Variants in AUTS2 observed in about 807,000 individuals in gnomAD.
AUTS2 encodes the protein autism susceptibility gene 2 protein.
AUTS2 carries 17 observed loss-of-function variants against 112.4 expected under a neutral mutation model. The ratio of observed to expected loss-of-function variants is 0.15; its 90% confidence interval spans 0.10 to 0.23. AUTS2 has a LOEUF of 0.23. Among genes scored for constraint, AUTS2 ranks in the 10% least tolerant of loss-of-function variants. The pLI is 1.00. For synonymous variants in AUTS2, 751 were observed against 702.7 expected (o/e 1.07, Z -1.09); for missense variants, 1,510 against 1,701.6 (o/e 0.89, Z 1.98).
At chr7:70,634,990 A>C (rs905934600) in intron 5 of AUTS2, among the ~76,000 whole-genome samples, 5 of 152,138 alleles carry the variant, frequency 3.3e-5, no homozygotes, top group Admixed American at 2.6e-4. Flanking sequence ...ACAGAGCCTT[A>C]TACCCCTTCA....
At chr7:69,660,803 C>T (rs539693830) in intron 1 of AUTS2, among the ~76,000 whole-genome samples, 5 of 152,182 alleles carry the variant, frequency 3.3e-5, no homozygotes, top group East Asian at 3.9e-4. Context: ...GGTGTGGTGG[C>T]GGGCACCTAT....
At chr7:70,720,202 AT>A (rs59046864) in intron 6 of AUTS2, among the ~76,000 whole-genome samples, 66,804 of 148,512 alleles carry the variant, frequency 0.45, 14,941 homozygotes, top group Middle Eastern at 0.54. Context: ...GTTTTCTTGT[AT>A]TTTTTTTTTT....
At chr7:70,507,933 ACCAAAAATATT>A (rs977633069) in intron 5 of AUTS2, among the ~76,000 whole-genome samples, 6 of 152,370 alleles carry the variant, frequency 3.9e-5, no homozygotes, top group Non-Finnish European at 7.3e-5. Flanking sequence ...GGACACAAAT[ACCAAAAATATT>A]CCAAAGACTT....
At chr7:70,558,261 GT>G in intron 5 of AUTS2, among the ~76,000 whole-genome samples, 2 of 152,226 alleles carry the variant, frequency 1.3e-5, no homozygotes, top group South Asian at 4.1e-4. Flanking sequence ...GATACTCTGC[GT>G]AAAATTTAGG....
At chr7:70,403,548 C>A (rs147824774) in intron 4 of AUTS2, among the ~76,000 whole-genome samples, 4 of 152,330 alleles carry the variant, frequency 2.6e-5, no homozygotes, top group Non-Finnish European at 5.9e-5. Flanking sequence ...TGTGAGCATC[C>A]TCCAATGTAC....
intron 5 of AUTS2, among the ~76,000 whole-genome samples, chr7:70,555,935 G>A (rs1223558644): frequency 6.6e-6 from 1 of 151,890 alleles, no homozygotes; most frequent in Non-Finnish European, 1.5e-5. Flanking sequence ...CTCCTGAGTA[G>A]CTGGGACTAC....
rs113439138 is a variant in AUTS2 at position 69,886,020 on chromosome 7, G to A, written c.310-13266G>A. 5.0e-3 allele frequency among the ~76,000 whole-genome samples: 760 copies of A among 152,270 alleles called. 8 individuals are homozygous for A. Among genetic ancestry groups the A allele is most frequent in the African/African-American group, 0.017 (715 of 41,558 alleles). ...GTGCTCTGGAGGCAAACCCTCCACT[G>A]AATTGATGAATTCTAAGTTACATCT... On this transcript the variant is annotated intron_variant, in intron 1 of 18. Transcript: ENST00000342771.
At chr7:70,042,615 T>C (rs981047097) in intron 2 of AUTS2, among the ~76,000 whole-genome samples, 7 of 152,216 alleles carry the variant, frequency 4.6e-5, no homozygotes, top group African/African-American at 1.7e-4. Context: ...CTAATATTTT[T>C]CCCTGTTTTT....
chr7:70,085,647 A>T (rs1291024841), intron 2 of AUTS2, among the ~76,000 whole-genome samples: 1 of 152,212 alleles, frequency 6.6e-6, no homozygotes, highest in East Asian at 1.9e-4. Context: ...GATTACAGGC[A>T]TGAGCCAACA....
intron 1 of AUTS2, among the ~76,000 whole-genome samples, chr7:69,713,465 T>G (rs1258768791): frequency 6.6e-6 from 1 of 151,302 alleles, no homozygotes; most frequent in African/African-American, 2.4e-5. Flanking sequence ...CAAGAGTTTT[T>G]TTTTTTTTTT....
intron 4 of AUTS2, among the ~76,000 whole-genome samples, chr7:70,387,643 C>A (rs1334713170): frequency 2.6e-5 from 4 of 152,174 alleles, no homozygotes; most frequent in Non-Finnish European, 5.9e-5. Context: ...CATAATGTGA[C>A]CCAAGGTTGC....
At chr7:70,609,964 TG>T (rs1554441438) in intron 5 of AUTS2, among the ~76,000 whole-genome samples, 1 of 59,984 alleles carries the variant, frequency 1.7e-5, no homozygotes, top group African/African-American at 6.1e-5. Flanking sequence ...TGTTTTTTGT[TG>T]TTGTTGTTGT....
At position 70,004,197 on chromosome 7, in the gene AUTS2, T is replaced by G. The variant is rs1248078956; in HGVS notation, c.522+104699T>G. ...TATGAATGTGTTATATGTGAATATA[T>G]ATTATATATATGAATGTGTTATATG... is the stretch of plus-strand genomic sequence containing the variant. On this transcript the variant is annotated intron_variant, in intron 2 of 18. Transcript: ENST00000342771. Among the ~76,000 whole-genome samples, 3 of 134,596 alleles carry G rather than the reference T, an allele frequency of 2.2e-5. No homozygotes were observed. The South Asian group carries it at 6.8e-4, about 30-fold the overall frequency. 88.3% of individuals were successfully genotyped at this position (134,596 alleles called of 152,430 possible). A position where few individuals can be genotyped will look rare whatever the true frequency, so the allele number is the denominator to read the frequency against.
chr7:70,429,777 CT>C (rs950363972), intron 4 of AUTS2, among the ~76,000 whole-genome samples: 3 of 151,994 alleles, frequency 2.0e-5, no homozygotes, highest in Non-Finnish European at 2.9e-5. Context: ...AAGAATTTGA[CT>C]TTTTATTATA....
chr7:70,028,120 ACT>A (rs1031147918), intron 2 of AUTS2, among the ~76,000 whole-genome samples: 9 of 142,322 alleles, frequency 6.3e-5, no homozygotes, highest in South Asian at 2.3e-4. Flanking sequence ...ATGCTCTCTG[ACT>A]CTCTCTCTTC....
chr7:70,657,957 G>A (rs1022138826), intron 5 of AUTS2, among the ~76,000 whole-genome samples: 1 of 152,100 alleles, frequency 6.6e-6, no homozygotes, highest in Admixed American at 6.6e-5. Context: ...AGCCTCTTTG[G>A]TTTTCTTTTT....
chr7:69,713,039 C>A (rs1798405426), intron 1 of AUTS2, among the ~76,000 whole-genome samples: 1 of 152,054 alleles, frequency 6.6e-6, no homozygotes, highest in Non-Finnish European at 1.5e-5. Flanking sequence ...CTGTTCAAAT[C>A]TTTTGCCCAT....
chr7:70,097,161 A>G (rs1804248230), intron 2 of AUTS2, among the ~76,000 whole-genome samples: 1 of 152,244 alleles, frequency 6.6e-6, no homozygotes, highest in Admixed American at 6.5e-5. Flanking sequence ...ATGAACCTTT[A>G]TATGAGATTA....
At chr7:70,781,961 G>T (rs1417884311) in intron 15 of AUTS2, 3 of 612,640 alleles carry the variant, frequency 4.9e-6, no homozygotes, top group Non-Finnish European at 8.2e-6. Context: ...AGGAGGCAGA[G>T]ATCATCTTTC....
Sources: allele counts gnomAD v4.1 joint callset (sites outside exome capture counted in the v4.1 genomes callset), GRCh38; gene constraint gnomAD v4.1.1; transcripts MANE v1.5; gene names NCBI Gene and HGNC (gene_info 2026-07-23, HGNC 2026-07-21).